Variants in SAMMSON observed in about 807,000 individuals in gnomAD.
The protein encoded by SAMMSON is survival associated mitochondrial melanoma specific oncogenic non-coding RNA.
intron 7 of SAMMSON, among the ~76,000 whole-genome samples, chr3:70,345,016 A>G (rs1286250756): frequency 6.6e-6 from 1 of 152,232 alleles, no homozygotes; most frequent in Non-Finnish European, 1.5e-5. Flanking sequence ...GAGCAAAGAA[A>G]TATATGTGTG....
chr3:70,431,569 A>C (rs775104789), intron 2 of SAMMSON, among the ~76,000 whole-genome samples: 4 of 152,100 alleles, frequency 2.6e-5, no homozygotes, highest in Non-Finnish European at 4.4e-5. Context: ...ATTTGAATTT[A>C]TGTAAATATA....
intron 9 of SAMMSON, among the ~76,000 whole-genome samples, chr3:70,359,654 A>C (rs1702857325): frequency 6.6e-6 from 1 of 152,166 alleles, no homozygotes; most frequent in Non-Finnish European, 1.5e-5. Context: ...GTCACACTTA[A>C]GACTATTCAT....
chr3:70,287,751 A>G (rs1702181684), intron 6 of SAMMSON, among the ~76,000 whole-genome samples: 1 of 151,688 alleles, frequency 6.6e-6, no homozygotes, highest in South Asian at 2.1e-4. Flanking sequence ...TTATTGGTCT[A>G]TTCAGAGATT....
intron 3 of SAMMSON, among the ~76,000 whole-genome samples, chr3:70,015,664 A>G (rs1298674481): frequency 1.3e-5 from 2 of 152,094 alleles, no homozygotes; most frequent in Admixed American, 6.5e-5. Context: ...TGCTGCACCC[A>G]TTAACTCGTC....
intron 7 of SAMMSON, among the ~76,000 whole-genome samples, chr3:70,353,053 T>A (rs1010222901): frequency 1.3e-5 from 2 of 151,988 alleles, no homozygotes; most frequent in Admixed American, 6.6e-5. Flanking sequence ...ACAAAAGAAC[T>A]ACTAAGTTTC....
chr3:70,100,311 T>A (rs921632033), intron 4 of SAMMSON, among the ~76,000 whole-genome samples: 2 of 152,030 alleles, frequency 1.3e-5, no homozygotes, highest in Non-Finnish European at 2.9e-5. Context: ...AACATCCGGC[T>A]AATTTTTGTA....
At chr3:70,236,595 T>C (rs1219488132) in intron 4 of SAMMSON, among the ~76,000 whole-genome samples, 2 of 152,142 alleles carry the variant, frequency 1.3e-5, no homozygotes, top group African/African-American at 4.8e-5. Flanking sequence ...CTTATTTTAC[T>C]AGAAAACTTT....
At chr3:70,120,162 T>A (rs916271546) in intron 4 of SAMMSON, 2 of 152,204 alleles carry the variant, frequency 1.3e-5, no homozygotes, top group African/African-American at 4.8e-5. Flanking sequence ...GTACATGAAG[T>A]ACGAAGAAAA....
chr3:70,108,422 C>CTTTTTTTTTTTTTTTT, intron 4 of SAMMSON, among the ~76,000 whole-genome samples: 1 of 52,068 alleles, frequency 1.9e-5, no homozygotes, highest in South Asian at 1.2e-3. Context: ...TCTTGCGGTT[C>CTTTTTTTTTTTTTTTT]CTTTTTTTTT....
intron 4 of SAMMSON, among the ~76,000 whole-genome samples, chr3:70,083,970 A>G (rs140802996): frequency 1.7e-4 from 26 of 152,306 alleles, no homozygotes; most frequent in Non-Finnish European, 3.7e-4. Flanking sequence ...GCACTTACAT[A>G]GCTATGATTC....
intron 4 of SAMMSON, among the ~76,000 whole-genome samples, chr3:70,199,167 C>G (rs943650059): frequency 1.3e-5 from 2 of 152,070 alleles, no homozygotes; most frequent in African/African-American, 4.8e-5. Context: ...TAAAAGTTTG[C>G]TTTGGAGTTA....
At chr3:70,405,660 C>G (rs1235102383) in intron 2 of SAMMSON, among the ~76,000 whole-genome samples, 2 of 152,062 alleles carry the variant, frequency 1.3e-5, no homozygotes, top group Non-Finnish European at 2.9e-5. Flanking sequence ...ATTTTAAGAA[C>G]AAAAAGCTTG....
chr3:70,388,394 C>G (rs949104282), intron 9 of SAMMSON, among the ~76,000 whole-genome samples: 4 of 151,934 alleles, frequency 2.6e-5, no homozygotes, highest in Non-Finnish European at 4.4e-5. Flanking sequence ...GTTTTCCAAC[C>G]CTTCTCTAAA....
chr3:70,188,161 C>G (rs905643430), intron 4 of SAMMSON, among the ~76,000 whole-genome samples: 2 of 152,230 alleles, frequency 1.3e-5, no homozygotes, highest in Non-Finnish European at 2.9e-5. Flanking sequence ...TCTTACAGCT[C>G]TCTTTATTGT....
chr3:70,341,329 GT>G (rs201630056), intron 7 of SAMMSON, among the ~76,000 whole-genome samples: 1 of 151,392 alleles, frequency 6.6e-6, no homozygotes, highest in African/African-American at 2.4e-5. Flanking sequence ...GGCAGACCCT[GT>G]TTTTTTTGGC....
chr3:70,170,658 T>C (rs899959456), intron 4 of SAMMSON, among the ~76,000 whole-genome samples: 1 of 145,448 alleles, frequency 6.9e-6, no homozygotes, highest in Non-Finnish European at 1.5e-5. Flanking sequence ...TAAACAGAGG[T>C]GAAAAATTTT....
intron 3 of SAMMSON, among the ~76,000 whole-genome samples, chr3:70,063,202 C>T (rs1027639812): frequency 7.3e-5 from 11 of 150,984 alleles, no homozygotes; most frequent in African/African-American, 2.2e-4. Flanking sequence ...CTCACTGCTT[C>T]GTACCTTTTC....
intron 4 of SAMMSON, among the ~76,000 whole-genome samples, chr3:70,142,542 G>T (rs748568663): frequency 6.6e-6 from 1 of 152,048 alleles, no homozygotes; most frequent in Non-Finnish European, 1.5e-5. Flanking sequence ...AGGGGGAAAG[G>T]GTGGGAAAGG....
intron 4 of SAMMSON, among the ~76,000 whole-genome samples, chr3:70,157,748 G>T (rs754172854): frequency 6.6e-6 from 1 of 152,052 alleles, no homozygotes; most frequent in Non-Finnish European, 1.5e-5. Flanking sequence ...TTTGCTGAAC[G>T]CATTATGAAC....
Sources: gnomAD v4.1 joint callset for allele counts (sites outside exome capture counted in the v4.1 genomes callset) on GRCh38, gnomAD v4.1.1 for gene constraint, MANE v1.5 for transcripts, NCBI Gene and HGNC (gene_info 2026-07-23, HGNC 2026-07-21) for gene names.